Variants in SIPA1L3 observed in about 807,000 individuals in gnomAD.
SIPA1L3 encodes the protein signal induced proliferation associated 1 like 3.
SIPA1L3 carries 59 observed loss-of-function variants against 150.1 expected under a neutral mutation model. The observed-to-expected ratio is 0.39, with a 90% CI of 0.32 to 0.49. SIPA1L3 has a LOEUF of 0.49. Among genes scored for constraint, SIPA1L3 ranks in the 20% least tolerant of loss-of-function variants. SIPA1L3 has a pLI of 0.86. For synonymous variants in SIPA1L3, 1,070 were observed against 1,077.6 expected (o/e 0.99, Z 0.14); for missense variants, 2,211 against 2,489.5 (o/e 0.89, Z 2.38).
chr19:38,015,236 C>T lies in SIPA1L3; in HGVS notation c.-378-13853C>T, dbSNP rs550123240. On this transcript the variant is annotated intron_variant, in intron 1 of 21. Transcript: ENST00000222345. ...TTCATTCTTACCAGAATAGTGGAAA[C>T]GCTGCACAAAACCAACTTAAACTGT... Among the ~76,000 whole-genome samples the T allele has an allele frequency of 9.2e-5, 14 of 152,304 alleles. 1 individual carries two copies. The East Asian group carries it at 1.9e-3, about 21-fold the overall frequency.
At chr19:38,170,669 C>T (rs1395447392) in intron 15 of SIPA1L3, among the ~76,000 whole-genome samples, 3 of 152,170 alleles carry the variant, frequency 2.0e-5, no homozygotes, top group Admixed American at 6.5e-5. Flanking sequence ...CCATGGGAAA[C>T]AGCTAGTGAA....
At chr19:37,955,516 T>C (rs1259870786) in intron 1 of SIPA1L3, among the ~76,000 whole-genome samples, 1 of 152,202 alleles carries the variant, frequency 6.6e-6, no homozygotes, top group Non-Finnish European at 1.5e-5. Context: ...CTTGTACCTC[T>C]TTGCAGGCAG....
chr19:37,942,760 T>C (rs1300526206), intron 1 of SIPA1L3, among the ~76,000 whole-genome samples: 2 of 152,104 alleles, frequency 1.3e-5, no homozygotes, highest in African/African-American at 4.8e-5. Context: ...AGAACTTGTT[T>C]AGGGATTGGT....
chr19:37,948,598 C>T (rs1424234386), intron 1 of SIPA1L3, among the ~76,000 whole-genome samples: 1 of 152,096 alleles, frequency 6.6e-6, no homozygotes, highest in African/African-American at 2.4e-5. Flanking sequence ...TGTGGGTAGG[C>T]AGATACCACT....
At chr19:37,976,821 G>T (rs1408558100) in intron 1 of SIPA1L3, among the ~76,000 whole-genome samples, 4 of 152,094 alleles carry the variant, frequency 2.6e-5, no homozygotes, top group African/African-American at 9.7e-5. Context: ...TTTATTAAGT[G>T]CTGTGGTTAT....
At chr19:37,982,729 T>C (rs1967233013) in intron 1 of SIPA1L3, among the ~76,000 whole-genome samples, 2 of 152,174 alleles carry the variant, frequency 1.3e-5, no homozygotes, top group African/African-American at 4.8e-5. Context: ...CCAAGGGCTG[T>C]ATAGTGGCTT....
intron 4 of SIPA1L3, among the ~76,000 whole-genome samples, chr19:38,092,089 A>G (rs1970272135): frequency 6.6e-6 from 1 of 151,636 alleles, no homozygotes; most frequent in African/African-American, 2.4e-5. Flanking sequence ...AGAAAATACA[A>G]TATATAGGCA....
chr19:38,106,209 C>T (rs570755158), intron 6 of SIPA1L3: 4 of 287,638 alleles, frequency 1.4e-5, no homozygotes, highest in African/African-American at 4.6e-5. Context: ...CGGGTTCAAG[C>T]GATTCTCCTG....
rs548505759 is a variant in SIPA1L3, at chr19:38,141,454, G to A, written c.3395+19G>A. ...GCAAGAGGTAAGCACCTGCTGGGGG[G>A]ACCAATACTTCCCAACCCCCACCAG... On this transcript the variant is annotated intron_variant, in intron 11 of 21. Coordinates refer to ENST00000222345, the MANE Select transcript of SIPA1L3 (RefSeq NM_015073.3). The A allele has an allele frequency of 1.9e-6, 3 of 1,598,452 alleles. No homozygotes were observed. Among genetic ancestry groups the A allele is most frequent in the South Asian group, 1.1e-5 (1 of 90,580 alleles).
At chr19:38,063,560 T>C (rs1172607938) in intron 2 of SIPA1L3, among the ~76,000 whole-genome samples, 2 of 152,238 alleles carry the variant, frequency 1.3e-5, no homozygotes, top group Non-Finnish European at 2.9e-5. Context: ...CAGGTTTCAG[T>C]GGCAATTAGC....
intron 1 of SIPA1L3, among the ~76,000 whole-genome samples, chr19:38,002,880 C>T (rs1478537383): frequency 6.6e-6 from 1 of 151,926 alleles, no homozygotes; most frequent in Non-Finnish European, 1.5e-5. Context: ...CACAGTGGCT[C>T]ATGCCTGTAA....
Position 38,198,502 on chromosome 19 carries a change from A to T in SIPA1L3, c.4954A>T (p.Ser1652Cys). The stretch of plus-strand genomic sequence containing the variant: ...CACAGCTGCTGGCCTCGAGTGGTCC[A>T]GCCTGGTGAACGCAGCCAAGGCATA... ...PDTAAGLEWS[S>C]LVNAAKAYEV... The change falls in exon 19 of 22, where the codon AGC (serine) becomes TGC (cysteine). Residue 1652 changes from serine to cysteine, a missense_variant. By Grantham distance (112) the Ser-to-Cys change is moderately radical (BLOSUM62 -1). Transcript: ENST00000222345. 6.3e-7 allele frequency: 1 copy of T among 1,591,854 alleles called. No homozygotes were observed. Among genetic ancestry groups the T allele is most frequent in the Non-Finnish European group, 8.5e-7 (1 of 1,170,362 alleles).
chr19:37,939,442 A>G (rs1251230211), intron 1 of SIPA1L3, among the ~76,000 whole-genome samples: 1 of 151,852 alleles, frequency 6.6e-6, no homozygotes, highest in Non-Finnish European at 1.5e-5. Flanking sequence ...AACCGCATAT[A>G]ATTTAGTTTC....
intron 1 of SIPA1L3, among the ~76,000 whole-genome samples, chr19:38,001,887 T>G (rs1477663050): frequency 2.6e-5 from 4 of 152,252 alleles, no homozygotes; most frequent in African/African-American, 9.6e-5. Context: ...TTTGTCACAA[T>G]GTATATGTAT....
At chr19:38,149,380 G>T (rs77977651) in intron 12 of SIPA1L3, among the ~76,000 whole-genome samples, 1 of 152,048 alleles carries the variant, frequency 6.6e-6, no homozygotes, top group African/African-American at 2.4e-5. Context: ...GCAAGACTCC[G>T]TCTCAAAAAA....
intron 7 of SIPA1L3, chr19:38,108,663 C>G (rs1970673904): frequency 6.6e-6 from 1 of 152,222 alleles, no homozygotes; most frequent in Non-Finnish European, 1.5e-5. Flanking sequence ...GATTCTTTAA[C>G]AGCTACATGA....
chr19:37,953,117 A>G (rs1263239015), intron 1 of SIPA1L3, among the ~76,000 whole-genome samples: 2 of 152,230 alleles, frequency 1.3e-5, no homozygotes, highest in Admixed American at 6.5e-5. Flanking sequence ...CCAGCTACTC[A>G]GGAGGCTGAG....
intron 16 of SIPA1L3, among the ~76,000 whole-genome samples, chr19:38,189,151 T>C (rs985190364): frequency 7.3e-5 from 11 of 151,674 alleles, no homozygotes; most frequent in African/African-American, 2.4e-4. Context: ...TTTTTTTTTT[T>C]TTTGAGACAG....
intron 2 of SIPA1L3, among the ~76,000 whole-genome samples, chr19:38,060,712 A>G (rs1198163193): frequency 1.3e-5 from 2 of 151,954 alleles, no homozygotes; most frequent in Admixed American, 6.5e-5. Flanking sequence ...TTTTTTTGAG[A>G]CAGAGTTTCG....
Sources: gnomAD v4.1 joint callset for allele counts (sites outside exome capture counted in the v4.1 genomes callset) on GRCh38, gnomAD v4.1.1 for gene constraint, MANE v1.5 for transcripts, NCBI Gene and HGNC (gene_info 2026-07-23, HGNC 2026-07-21) for gene names.